PSIP1: variants seen among roughly 807,000 people sequenced by gnomAD.
PSIP1 encodes PC4 and SFRS1-interacting protein.
In PSIP1, 19 loss-of-function variants were observed where a neutral mutation model predicts 74.7. The observed-to-expected ratio is 0.25, with a 90% confidence interval of 0.18 to 0.37. The LOEUF is 0.37. PSIP1 is among the 10% of genes least tolerant of loss of function. The pLI, the probability that PSIP1 is intolerant of heterozygous loss-of-function variation, is 1.00. For missense variants in PSIP1, 601 were observed against 614.3 expected (o/e 0.98, Z 0.23); for synonymous variants, 222 against 195.3 (o/e 1.14, Z -1.14).
chr9:15,503,977 C>G (rs2037463342), intron 3 of PSIP1, among the ~76,000 whole-genome samples: 1 of 152,150 alleles, frequency 6.6e-6, no homozygotes. Flanking sequence ...GAACTCCTGA[C>G]CTCGTCATCC....
chr9:15,506,422 G>A (rs373636828), intron 3 of PSIP1, 139 bp downstream of exon 3: 5 of 526,848 alleles, frequency 9.5e-6, no homozygotes, highest in Non-Finnish European at 9.9e-6. Flanking sequence ...CTTAAAAATA[G>A]AGACTTAAAG....
Position 15,498,459 on chromosome 9 carries a change from A to C in PSIP1, c.149+8102T>G, listed in dbSNP as rs192610777. Among the ~76,000 whole-genome samples the C allele has an allele frequency of 7.4e-4, 113 of 152,144 alleles. 1 individual carries two copies. Among genetic ancestry groups the C allele is most frequent in the African/African-American group, 2.6e-3 (106 of 41,510 alleles). ...AAAAAACAAAGAGTAAGATATGCTC[A>C]AGACTGATGAACTCTTAATGAGACT... On this transcript the variant is annotated intron_variant, in intron 3 of 15. Transcript: ENST00000380733.
intron 10 of PSIP1, among the ~76,000 whole-genome samples, 178 bp from the exon 11 acceptor site, chr9:15,470,171 C>CT (rs887218571): frequency 6.7e-6 from 1 of 150,280 alleles, no homozygotes; most frequent in Admixed American, 6.6e-5. Flanking sequence ...AAGCAAAACT[C>CT]TAATTAACAT....
chr9:15,471,805 T>G, intron 10 of PSIP1: 1 of 950,986 alleles, frequency 1.1e-6, no homozygotes, highest in Non-Finnish European at 1.3e-6. Flanking sequence ...GTTTTACTGC[T>G]CATCATTAAC....
intron 10 of PSIP1, chr9:15,471,041 G>C: frequency 7.1e-7 from 1 of 1,408,922 alleles, no homozygotes; most frequent in South Asian, 1.5e-5. Context: ...CATTAATAAT[G>C]AAGTCCTCAA....
chr9:15,493,597 T>C (rs568808464), intron 3 of PSIP1, among the ~76,000 whole-genome samples: 11 of 152,280 alleles, frequency 7.2e-5, no homozygotes, highest in South Asian at 4.1e-4. Context: ...CAAGACTGGA[T>C]AGTTTATAAA....
intron 10 of PSIP1, chr9:15,471,182 A>G: frequency 1.2e-6 from 2 of 1,607,264 alleles, no homozygotes; most frequent in Non-Finnish European, 1.7e-6. Flanking sequence ...TAATGCTTTG[A>G]GCCCAAAATG....
At position 15,510,103 on chromosome 9, in the gene PSIP1, T is replaced by C. The variant is rs758794961; in HGVS notation, c.72+14A>G. On this transcript the variant is annotated intron_variant, in intron 2 of 15. Coordinates refer to ENST00000380733, the MANE Select transcript of PSIP1 (RefSeq NM_033222.5). ...GGGTAGCACTGCTAAGCGCGAGGGCTACAAATCACTTACTCGAGCTGGCCA... is the reference window on the plus strand; with the variant it reads ...GGGTAGCACTGCTAAGCGCGAGGGCCACAAATCACTTACTCGAGCTGGCCA... 1.2e-5 allele frequency: 19 copies of C among 1,600,760 alleles called. No homozygotes were observed. Among genetic ancestry groups the C allele is most frequent in the African/African-American group, 1.4e-5 (1 of 73,334 alleles).
rs528889694 is a variant in PSIP1 at position 15,484,305 on chromosome 9, T to A, written c.456+1701A>T. The stretch of plus-strand genomic sequence containing the variant: ...ACCCCATGTCTATCAAAAAAAAAAA[T>A]ATATATATATAGGCCAGGCCCGGTG... On this transcript the variant is annotated intron_variant, in intron 6 of 15. Transcript: ENST00000380733. 1.2e-3 allele frequency among the ~76,000 whole-genome samples: 162 copies of A among 134,292 alleles called. 3 individuals are homozygous for A. In the South Asian group the frequency reaches 0.013, roughly 11 times the overall value. The allele number at this position is 134,292 out of a possible 152,430, so 88.1% of individuals were successfully genotyped here.
rs774418189 is a variant in PSIP1, at chr9:15,510,162, G to A, written c.27C>T (p.Asp9=). The A allele has an allele frequency of 1.9e-6, 3 of 1,607,886 alleles. No individual in the cohort carries two copies. The highest frequency in any genetic ancestry group is 1.1e-5 in the South Asian group (1 of 90,296). ...AACCTTTCATCTTGGCGAAGATGAG[G>A]TCTCCAGGTTTGAAATCGCGAGTCA... is the stretch of plus-strand genomic sequence containing the variant. MTRDFKPG[D]LIFAKMKGYP... Residue 9 remains aspartate, a synonymous_variant, in exon 2 of 16, where the codon GAC becomes GAT. Transcript: ENST00000380733.
chr9:15,472,932 C>T (rs1302376928), intron 9 of PSIP1, among the ~76,000 whole-genome samples, 182 bp from the exon 10 acceptor site: 4 of 152,152 alleles, frequency 2.6e-5, no homozygotes, highest in Admixed American at 6.5e-5. Flanking sequence ...TGATTAATGA[C>T]CGTGAAATAA....
intron 3 of PSIP1, among the ~76,000 whole-genome samples, chr9:15,496,745 A>C (rs1272441697): frequency 6.6e-6 from 1 of 152,236 alleles, no homozygotes; most frequent in African/African-American, 2.4e-5. Flanking sequence ...TGTTCTTCCA[A>C]CTGAAAAGAC....
At chr9:15,474,287 A>G (rs2035981064) in intron 8 of PSIP1, 50 bp from the exon 9 acceptor site, 1 of 1,437,420 alleles carries the variant, frequency 7.0e-7, no homozygotes, top group Non-Finnish European at 9.5e-7. Flanking sequence ...CTATAATAGT[A>G]TTTTAGATAT....
At chr9:15,477,759 C>G (rs71513233) in intron 8 of PSIP1, among the ~76,000 whole-genome samples, 2 of 152,132 alleles carry the variant, frequency 1.3e-5, no homozygotes, top group African/African-American at 4.8e-5. Context: ...AATAGTTATT[C>G]TGAAATGCTT....
chr9:15,495,489 AACCAAT>A (rs1160540025), intron 3 of PSIP1, among the ~76,000 whole-genome samples: 1 of 152,194 alleles, frequency 6.6e-6, no homozygotes, highest in Non-Finnish European at 1.5e-5. Flanking sequence ...GAAATAGTAA[AACCAAT>A]ACCAACTTAG....
chr9:15,498,789 TC>T (rs1267190689), intron 3 of PSIP1, among the ~76,000 whole-genome samples: 10 of 152,204 alleles, frequency 6.6e-5, no homozygotes, highest in African/African-American at 2.4e-4. Context: ...ACTGATTCAT[TC>T]TTCAAGGCAT....
intron 12 of PSIP1, 49 bp from the exon 13 acceptor site, chr9:15,469,107 A>G (rs1213489166): frequency 6.5e-7 from 1 of 1,532,868 alleles, no homozygotes; most frequent in Non-Finnish European, 8.9e-7. Context: ...CTTAACACTT[A>G]AACAATCTGT....
chr9:15,507,867 T>A (rs1026311300), intron 2 of PSIP1, among the ~76,000 whole-genome samples: 1 of 152,148 alleles, frequency 6.6e-6, no homozygotes, highest in Non-Finnish European at 1.5e-5. Context: ...ACCAACAGAA[T>A]CATTACCACC....
At chr9:15,469,797 A>G (rs2035756376) in intron 11 of PSIP1, 141 bp downstream of exon 11, 3 of 646,708 alleles carry the variant, frequency 4.6e-6, no homozygotes, top group Non-Finnish European at 7.8e-6. Context: ...CAATTTATAT[A>G]AAGCCCATTA....
Sources: gnomAD v4.1 joint callset for allele counts (sites outside exome capture counted in the v4.1 genomes callset) on GRCh38, gnomAD v4.1.1 for gene constraint, MANE v1.5 for transcripts, NCBI Gene and HGNC (gene_info 2026-07-23, HGNC 2026-07-21) for gene names.